Variants in PCDH7 observed in about 807,000 individuals in gnomAD.
PCDH7 encodes protocadherin-7.
PCDH7 carries 17 observed loss-of-function variants against 58.9 expected under a neutral mutation model. The observed-to-expected ratio is 0.29, with a 90% CI of 0.20 to 0.43. The LOEUF (loss-of-function observed/expected upper bound fraction) is 0.43, where lower values mean the gene tolerates loss of function less well. Among genes scored for constraint, PCDH7 ranks in the 20% least tolerant of loss-of-function variants. PCDH7 has a pLI of 1.00. For missense variants in PCDH7, 1,274 were observed against 1,441.0 expected (o/e 0.88, Z 1.88); for synonymous variants, 664 against 616.4 (o/e 1.08, Z -1.14).
Position 31,011,509 on chromosome 4 carries a change from T to C in PCDH7, c.*7+61294T>C, listed in dbSNP as rs530167017. On this transcript the variant is annotated intron_variant, in intron 3 of 3. Coordinates refer to the PCDH7 transcript ENST00000509759. ...AACCATTTCTTTCCGACCTTCTCTT[T>C]TCTATTCTTCTTTTCTCTCTTCTTT... Among the ~76,000 whole-genome samples the C allele has an allele frequency of 3.9e-5, 6 of 152,162 alleles. No individual in the cohort carries two copies. In the South Asian group the frequency reaches 1.2e-3, roughly 32 times the overall value.
chr4:30,905,767 C>G (rs1380428220), intron 1 of PCDH7, among the ~76,000 whole-genome samples: 1 of 152,202 alleles, frequency 6.6e-6, no homozygotes, highest in Admixed American at 6.5e-5. Flanking sequence ...GGGCTTGACT[C>G]AAATAAATTG....
intron 1 of PCDH7, among the ~76,000 whole-genome samples, chr4:30,785,159 A>G (rs1237053835): frequency 1.3e-5 from 2 of 152,076 alleles, no homozygotes; most frequent in Non-Finnish European, 2.9e-5. Context: ...GATAACTGCT[A>G]TGGAATCATA....
intron 3 of PCDH7, among the ~76,000 whole-genome samples, chr4:31,110,346 T>A (rs1042195855): frequency 4.6e-5 from 7 of 152,184 alleles, no homozygotes; most frequent in African/African-American, 1.7e-4. Context: ...TCTCATAACC[T>A]CGTACAAGTT....
At chr4:30,750,250 A>G (rs1218367681) in intron 1 of PCDH7, among the ~76,000 whole-genome samples, 1 of 152,180 alleles carries the variant, frequency 6.6e-6, no homozygotes, top group African/African-American at 2.4e-5. Context: ...GGCTGTCCAA[A>G]GTGGCCCTGA....
rs978351566 is a variant in PCDH7 at position 30,725,137 on chromosome 4, T to A, written c.3174+541T>A. On this transcript the variant is annotated intron_variant, in intron 1 of 1. Coordinates refer to ENST00000361762, the Ensembl canonical transcript of PCDH7. ...AAGTCTGAGATATTGAAATACTGAC[T>A]ACTTTGATGAAACTGCTGGTTTAAA... is the stretch of plus-strand genomic sequence containing the variant. 22 of 999,712 alleles carry A rather than the reference T, an allele frequency of 2.2e-5. No homozygotes were observed. The African/African-American group carries it at 2.8e-4, about 13-fold the overall frequency. 61.9% of individuals were successfully genotyped at this position (999,712 alleles called of 1,614,324 possible).
At chr4:30,910,978 A>T (rs75622608) in intron 1 of PCDH7, among the ~76,000 whole-genome samples, 7,428 of 152,254 alleles carry the variant, frequency 0.049, 386 homozygotes, top group East Asian at 0.26. Flanking sequence ...CTATGCAGCC[A>T]TAAAAAAGAA....
At chr4:30,968,146 C>A (rs1324532031) in intron 3 of PCDH7, among the ~76,000 whole-genome samples, 19 of 151,400 alleles carry the variant, frequency 1.3e-4, no homozygotes, top group African/African-American at 4.4e-4. Context: ...CTTTATTTTG[C>A]AAATATTTGT....
intron 1 of PCDH7, among the ~76,000 whole-genome samples, chr4:30,915,609 T>C (rs1742350520): frequency 6.6e-6 from 1 of 152,092 alleles, no homozygotes; most frequent in Non-Finnish European, 1.5e-5. Context: ...CTGCAACCTT[T>C]GCCTCCCGGG....
chr4:30,999,403 A>G (rs1578524498), intron 3 of PCDH7, among the ~76,000 whole-genome samples: 1 of 152,150 alleles, frequency 6.6e-6, no homozygotes, highest in Non-Finnish European at 1.5e-5. Flanking sequence ...CCTTTGATTT[A>G]TCCAAAAATT....
At chr4:30,984,548 T>C (rs530753530) in intron 3 of PCDH7, among the ~76,000 whole-genome samples, 1 of 152,328 alleles carries the variant, frequency 6.6e-6, no homozygotes, top group East Asian at 1.9e-4. Flanking sequence ...AAGGCTGTGA[T>C]TCTGTGATCG....
chr4:30,982,753 G>T (rs1034710589), intron 3 of PCDH7, among the ~76,000 whole-genome samples: 1 of 151,816 alleles, frequency 6.6e-6, no homozygotes, highest in Non-Finnish European at 1.5e-5. Flanking sequence ...AACAGTAACT[G>T]CATCCACTCT....
chr4:30,738,106 A>C (rs1317659900), intron 1 of PCDH7, among the ~76,000 whole-genome samples: 1 of 152,284 alleles, frequency 6.6e-6, no homozygotes. Context: ...CACTGGTCCT[A>C]TCAGATTAGA....
chr4:30,906,788 C>T (rs568003791), intron 1 of PCDH7, among the ~76,000 whole-genome samples: 22 of 152,022 alleles, frequency 1.4e-4, no homozygotes, highest in Non-Finnish European at 3.1e-4. Flanking sequence ...TTAGGGAGGC[C>T]GAGGCAGGAG....
At chr4:30,838,790 A>G (rs1730845339) in intron 1 of PCDH7, among the ~76,000 whole-genome samples, 1 of 152,202 alleles carries the variant, frequency 6.6e-6, no homozygotes, top group East Asian at 1.9e-4. Flanking sequence ...TCAACTGAGA[A>G]CCACTAAATG....
At chr4:31,120,310 TC>T (rs1717504730) in intron 3 of PCDH7, among the ~76,000 whole-genome samples, 1 of 151,818 alleles carries the variant, frequency 6.6e-6, no homozygotes, top group African/African-American at 2.4e-5. Context: ...TATTTTTTCC[TC>T]CCTTCCTTCT....
intron 3 of PCDH7, among the ~76,000 whole-genome samples, chr4:31,111,922 T>A (rs1292618887): frequency 6.6e-6 from 1 of 152,204 alleles, no homozygotes; most frequent in East Asian, 1.9e-4. Context: ...GCATAATGAT[T>A]TGAGCAAGCT....
intron 3 of PCDH7, among the ~76,000 whole-genome samples, chr4:31,007,479 T>C (rs1388711925): frequency 1.3e-5 from 2 of 152,286 alleles, no homozygotes; most frequent in Middle Eastern, 3.4e-3. Flanking sequence ...AAAGAATACA[T>C]TATACAATTT....
At chr4:30,782,594 A>C (rs1722941360) in intron 1 of PCDH7, among the ~76,000 whole-genome samples, 1 of 152,238 alleles carries the variant, frequency 6.6e-6, no homozygotes, top group African/African-American at 2.4e-5. Flanking sequence ...ACAGCAAAGC[A>C]TGCAAATTTA....
At chr4:30,745,060 T>G (rs915311257) in intron 1 of PCDH7, among the ~76,000 whole-genome samples, 2 of 152,176 alleles carry the variant, frequency 1.3e-5, no homozygotes, top group Non-Finnish European at 2.9e-5. Flanking sequence ...GAGGGACAGA[T>G]GCTGTGAAGC....
Sources: allele counts gnomAD v4.1 joint callset (sites outside exome capture counted in the v4.1 genomes callset), GRCh38; gene constraint gnomAD v4.1.1; transcripts MANE v1.5; gene names NCBI Gene and HGNC (gene_info 2026-07-23, HGNC 2026-07-21).